Variants in PLAG1 observed in about 807,000 individuals in gnomAD.
PLAG1 encodes the protein zinc finger protein PLAG1.
PLAG1 carries 7 observed loss-of-function variants against 35.5 expected under a neutral mutation model. The observed-to-expected ratio is 0.20, with a 90% CI of 0.11 to 0.37. The LOEUF (loss-of-function observed/expected upper bound fraction) is 0.37, where lower values mean the gene tolerates loss of function less well. Among genes scored for constraint, PLAG1 ranks in the 10% least tolerant of loss-of-function variants. PLAG1 has a pLI of 1.00. For synonymous variants in PLAG1, 229 were observed against 225.4 expected (o/e 1.02, Z -0.14); for missense variants, 454 against 602.8 (o/e 0.75, Z 2.58).
chr8:56,194,709 A>C lies in PLAG1; in HGVS notation c.-321-15196T>G, dbSNP rs184315437. On this transcript the variant is annotated intron_variant, in intron 1 of 4. Transcript: ENST00000316981. ...GGAGGCCATCATGAAACCTTTGCCA[A>C]AGTTGCTTCGGGGGAGTGGTGAGGC... Among the ~76,000 whole-genome samples, 85 of 152,122 alleles carry C rather than the reference A, an allele frequency of 5.6e-4. 1 individual carries two copies. Among genetic ancestry groups the C allele is most frequent in the Non-Finnish European group, 1.0e-4 (7 of 67,996 alleles).
intron 2 of PLAG1, among the ~76,000 whole-genome samples, chr8:56,172,437 AAAT>A (rs1316985004): frequency 4.3e-4 from 65 of 152,358 alleles, no homozygotes; most frequent in African/African-American, 1.4e-3. Context: ...CAAAATTACA[AAAT>A]AATAACATTA....
At chr8:56,181,595 T>C (rs1053973199) in intron 1 of PLAG1, among the ~76,000 whole-genome samples, 2 of 151,666 alleles carry the variant, frequency 1.3e-5, no homozygotes, top group Non-Finnish European at 2.9e-5. Context: ...GGGGGAGGGA[T>C]AGCATTAGGA....
chr8:56,172,777 T>C lies in PLAG1; in HGVS notation c.-216-1588A>G, dbSNP rs184320748. 2.4e-3 allele frequency among the ~76,000 whole-genome samples: 366 copies of C among 152,316 alleles called. 1 individual carries two copies. The highest frequency in any genetic ancestry group is 8.1e-3 in the African/African-American group (338 of 41,576). ...TGACAAGGCAGGTTAGCAAACCAAT[T>C]TGCAAGTGGATAAATCCTGTCACTA... On this transcript the variant is annotated intron_variant, in intron 2 of 4. Coordinates refer to ENST00000316981, the MANE Select transcript of PLAG1 (RefSeq NM_002655.3).
rs887471512 is a variant in PLAG1 at position 56,163,253 on chromosome 8, T to C, written c.*2990A>G. 1 of 119,408 alleles carries C rather than the reference T, an allele frequency of 8.4e-6. No homozygotes were observed. Among genetic ancestry groups the C allele is most frequent in the Admixed American group, 1.1e-4 (1 of 8,918 alleles). The allele number at this position is 119,408 out of a possible 1,614,324, so 7.4% of individuals were successfully genotyped here. A position where few individuals can be genotyped will look rare whatever the true frequency, so the allele number is the denominator to read the frequency against. On this transcript the variant is annotated 3_prime_UTR_variant, in exon 5 of 5. Transcript: ENST00000316981. ...TTTTTTTTTAACCAAGCTAAGGCAC[T>C]ACCAGAAATTTCAAGGATAATGATT...
intron 1 of PLAG1, among the ~76,000 whole-genome samples, chr8:56,198,599 C>T (rs113886095): frequency 2.0e-5 from 3 of 152,338 alleles, no homozygotes; most frequent in Non-Finnish European, 4.4e-5. Flanking sequence ...CCCTATCTCG[C>T]TCCCTCTGCC....
intron 1 of PLAG1, among the ~76,000 whole-genome samples, chr8:56,194,125 C>T (rs1293373737): frequency 1.3e-5 from 2 of 151,844 alleles, no homozygotes; most frequent in Non-Finnish European, 2.9e-5. Context: ...ACCAGCCTGG[C>T]CAACATAGCG....
intron 1 of PLAG1, among the ~76,000 whole-genome samples, chr8:56,208,837 C>A (rs1812772185): frequency 6.6e-6 from 1 of 152,140 alleles, no homozygotes; most frequent in Non-Finnish European, 1.5e-5. Context: ...TGTTAAATAA[C>A]ACAAATAAAT....
intron 3 of PLAG1, among the ~76,000 whole-genome samples, chr8:56,170,306 CT>C (rs1372802414): frequency 2.0e-5 from 3 of 152,126 alleles, no homozygotes; most frequent in Admixed American, 6.6e-5. Context: ...AACATATGTT[CT>C]TTTTGTTTTA....
At chr8:56,195,148 A>C (rs1042934379) in intron 1 of PLAG1, among the ~76,000 whole-genome samples, 1 of 152,204 alleles carries the variant, frequency 6.6e-6, no homozygotes, top group Non-Finnish European at 1.5e-5. Context: ...TTCATGAAAT[A>C]GAGTGAATAA....
At position 56,201,731 on chromosome 8, in the gene PLAG1, T is replaced by C. The variant is rs143133490; in HGVS notation, c.-322+9390A>G. On this transcript the variant is annotated intron_variant, in intron 1 of 4. Transcript: ENST00000316981. ...TCATTATTGCTTCTTGCATACACAT[T>C]ATCCCTGCAATTCCTATCTCATGAG... Among the ~76,000 whole-genome samples, 83 of 152,310 alleles carry C rather than the reference T, an allele frequency of 5.4e-4. 1 individual carries two copies. In the Middle Eastern group the frequency reaches 0.01, roughly 19 times the overall value.
intron 1 of PLAG1, among the ~76,000 whole-genome samples, chr8:56,186,467 G>T (rs535296290): frequency 2.0e-4 from 30 of 150,324 alleles, no homozygotes; most frequent in African/African-American, 7.3e-4. Context: ...CGCCTCCTGG[G>T]CTCAAGTGAT....
chr8:56,196,850 G>A (rs940713012), intron 1 of PLAG1, among the ~76,000 whole-genome samples: 8 of 152,016 alleles, frequency 5.3e-5, no homozygotes, highest in African/African-American at 1.9e-4. Flanking sequence ...CCAGATGCGT[G>A]GGGGTGTGCA....
chr8:56,210,554 C>T (rs897588793), intron 1 of PLAG1, among the ~76,000 whole-genome samples: 3 of 152,144 alleles, frequency 2.0e-5, no homozygotes, highest in Admixed American at 6.5e-5. Flanking sequence ...CAAAGTTACC[C>T]CAAGTCACTC....
intron 2 of PLAG1, among the ~76,000 whole-genome samples, chr8:56,177,294 C>A (rs563191960): frequency 6.6e-6 from 1 of 152,156 alleles, no homozygotes; most frequent in African/African-American, 2.4e-5. Flanking sequence ...ATGTGCATGT[C>A]CAGGATAAAA....
Position 56,167,560 on chromosome 8 carries a change from A to G in PLAG1, c.243-57T>C. On this transcript the variant is annotated intron_variant, in intron 4 of 4. Coordinates refer to ENST00000316981, the MANE Select transcript of PLAG1 (RefSeq NM_002655.3). The surrounding 1 kb of genome is among the most constrained non-coding windows in gnomAD (Gnocchi z 5.9). ...ATTATGACAAAAATGGCATGTATTC[A>G]CTTTTCAAATGGAAGCTAAACTACT... 2 of 1,138,094 alleles carry G rather than the reference A, an allele frequency of 1.8e-6. No individual in the cohort carries two copies. Among genetic ancestry groups the G allele is most frequent in the African/African-American group, 3.1e-5 (2 of 64,370 alleles). The allele number at this position is 1,138,094 out of a possible 1,614,324, so 70.5% of individuals were successfully genotyped here.
chr8:56,210,177 G>T (rs1304753701), intron 1 of PLAG1, among the ~76,000 whole-genome samples: 1 of 152,048 alleles, frequency 6.6e-6, no homozygotes, highest in Non-Finnish European at 1.5e-5. Context: ...TTAACTCCTT[G>T]GTCCCTGCAA....
intron 2 of PLAG1, among the ~76,000 whole-genome samples, chr8:56,174,797 C>T (rs779291430): frequency 6.6e-6 from 1 of 152,056 alleles, no homozygotes; most frequent in Admixed American, 6.5e-5. Context: ...CATGCACAGA[C>T]TTTTTTGGTC....
In PLAG1 at chr8:56,166,134, T is replaced by C. The variant is rs1811345118; in HGVS notation, c.*109A>G. 2.7e-6 allele frequency: 2 copies of C among 749,660 alleles called. No individual in the cohort carries two copies. Among genetic ancestry groups the C allele is most frequent in the South Asian group, 2.9e-5 (1 of 33,958 alleles). 46.4% of individuals were successfully genotyped at this position (749,660 alleles called of 1,614,324 possible). On this transcript the variant is annotated 3_prime_UTR_variant, in exon 5 of 5. Transcript: ENST00000316981. The stretch of plus-strand genomic sequence containing the variant: ...ACTGGCTTAATGAAAATTTGTATTA[T>C]ACAAAAGCAGAAATTTTTATACTGT...
chr8:56,178,508 G>A (rs1585791246), intron 2 of PLAG1, among the ~76,000 whole-genome samples: 1 of 152,296 alleles, frequency 6.6e-6, no homozygotes, highest in Non-Finnish European at 1.5e-5. Flanking sequence ...TGCTAACGGT[G>A]TTGATGCTTA....
Sources: allele counts gnomAD v4.1 joint callset (sites outside exome capture counted in the v4.1 genomes callset), GRCh38; gene constraint gnomAD v4.1.1; non-coding constraint Gnocchi (gnomAD v3.1); transcripts MANE v1.5; gene names NCBI Gene and HGNC (gene_info 2026-07-23, HGNC 2026-07-21).